Variants in EFCAB5 observed in about 807,000 individuals in gnomAD.
EFCAB5 encodes the protein EF-hand calcium-binding domain-containing protein 5.
A neutral mutation model predicts 167.9 loss-of-function variants in EFCAB5; 131 were observed. The ratio of observed to expected loss-of-function variants is 0.78; its 90% CI spans 0.68 to 0.90. The LOEUF is 0.90. EFCAB5 is among the 40% of genes least tolerant of loss of function. The pLI is 0.00. For missense variants in EFCAB5, 1,663 were observed against 1,745.2 expected (o/e 0.95, Z 0.84); for synonymous variants, 574 against 602.8 (o/e 0.95, Z 0.70).
chr17:29,987,099 C>T (rs945960055), intron 4 of EFCAB5, among the ~76,000 whole-genome samples: 2 of 152,152 alleles, frequency 1.3e-5, no homozygotes, highest in African/African-American at 2.4e-5. Context: ...AAGGAATACT[C>T]ATGGCAGTGG....
In EFCAB5 at chr17:30,107,814, CT is replaced by C. The variant is rs753578397; in HGVS notation, c.4322-11del. ...TGCAAAACTCTCCACTCTTACTTTT[CT>C]TTTTTTTTCCTGATGCAGATCATTC... On this transcript the variant is annotated intron_variant, in intron 22 of 22. Coordinates refer to ENST00000394835, the MANE Select transcript of EFCAB5 (RefSeq NM_198529.4). 65 of 1,017,752 alleles carry C rather than the reference CT, an allele frequency of 6.4e-5. No individual in the cohort carries two copies. Among genetic ancestry groups the C allele is most frequent in the Middle Eastern group, 2.5e-4 (1 of 3,936 alleles). 63.0% of individuals were successfully genotyped at this position (1,017,752 alleles called of 1,614,324 possible).
intron 14 of EFCAB5, among the ~76,000 whole-genome samples, chr17:30,077,110 T>G (rs1339867299): frequency 6.6e-6 from 1 of 152,176 alleles, no homozygotes; most frequent in Non-Finnish European, 1.5e-5. Flanking sequence ...GAGACCAGCC[T>G]GGCCAGTATA....
At chr17:29,973,607 A>G (rs1026230717) in intron 4 of EFCAB5, among the ~76,000 whole-genome samples, 4 of 146,692 alleles carry the variant, frequency 2.7e-5, no homozygotes, top group Non-Finnish European at 6.0e-5. Flanking sequence ...CCTCCTGAGT[A>G]GCTGGGATTA....
chr17:30,049,341 G>A (rs750207146), intron 8 of EFCAB5, among the ~76,000 whole-genome samples: 2 of 152,016 alleles, frequency 1.3e-5, no homozygotes, highest in East Asian at 1.9e-4. Flanking sequence ...TTAGCCAGGC[G>A]TGGTGGCATG....
At position 30,053,331 on chromosome 17, in the gene EFCAB5, A is replaced by G; in HGVS notation, c.1377A>G (p.Glu459=). The change falls in exon 10 of 23, where the codon GAA becomes GAG. Residue 459 remains glutamate, a synonymous_variant. Coordinates refer to ENST00000394835, the MANE Select transcript of EFCAB5 (RefSeq NM_198529.4). ...GDMDNQKHIY[E]GFDKVLLEMN... ...TGGATAATCAGAAACACATTTATGA[A>G]GGTTTTGACAAAGTGCTCTTGGAGA... 1.9e-6 allele frequency: 3 copies of G among 1,613,952 alleles called. No homozygotes were observed. Among genetic ancestry groups the G allele is most frequent in the Non-Finnish European group, 2.5e-6 (3 of 1,179,874 alleles).
intron 14 of EFCAB5, 172 bp downstream of exon 14, chr17:30,059,873 G>T (rs1188518191): frequency 4.6e-6 from 2 of 437,298 alleles, no homozygotes; most frequent in Non-Finnish European, 7.1e-6. Flanking sequence ...TAAAAATAGA[G>T]ATAGGAGTCT....
intron 14 of EFCAB5, chr17:30,068,941 A>G: frequency 6.5e-7 from 1 of 1,541,388 alleles, no homozygotes; most frequent in Non-Finnish European, 9.0e-7. Flanking sequence ...GATATTCATG[A>G]GGACCTGTTC....
intron 22 of EFCAB5, among the ~76,000 whole-genome samples, chr17:30,099,188 T>C (rs147945679): frequency 1.4e-3 from 212 of 152,342 alleles, no homozygotes; most frequent in Non-Finnish European, 2.5e-3. Flanking sequence ...ATATGGTAAC[T>C]CTATGTTTAA....
intron 3 of EFCAB5, among the ~76,000 whole-genome samples, chr17:29,949,294 T>C (rs1479283783): frequency 6.6e-6 from 1 of 152,198 alleles, no homozygotes; most frequent in Non-Finnish European, 1.5e-5. Flanking sequence ...TTCTTTTGTG[T>C]CCCTACTTAT....
At chr17:29,973,336 C>G (rs1354264125) in intron 4 of EFCAB5, among the ~76,000 whole-genome samples, 2 of 152,276 alleles carry the variant, frequency 1.3e-5, no homozygotes, top group East Asian at 3.9e-4. Context: ...GTAAGGCAAC[C>G]TCTCCTCCCG....
rs773761548 is a variant in EFCAB5 at position 30,078,389 on chromosome 17, A to G, written c.2912A>G (p.Glu971Gly). The change falls in exon 15 of 23, where the codon GAG (glutamate) becomes GGG (glycine). Residue 971 changes from glutamate to glycine, a missense_variant. Coordinates refer to ENST00000394835, the MANE Select transcript of EFCAB5 (RefSeq NM_198529.4). ...LMNALERSHI[E>G]SLRNSARRKW... ...AATGCTTTAGAGAGGAGCCACATTGAGAGTCTGAGGAATTCTGCCAGGCGG... is the reference window on the plus strand; with the variant it reads ...AATGCTTTAGAGAGGAGCCACATTGGGAGTCTGAGGAATTCTGCCAGGCGG... 1 of 1,614,020 alleles carries G rather than the reference A, an allele frequency of 6.2e-7. No individual in the cohort carries two copies. The highest frequency in any genetic ancestry group is 8.5e-7 in the Non-Finnish European group (1 of 1,179,890).
At chr17:29,952,018 A>C (rs540075318) in intron 3 of EFCAB5, among the ~76,000 whole-genome samples, 1 of 152,306 alleles carries the variant, frequency 6.6e-6, no homozygotes, top group Non-Finnish European at 1.5e-5. Context: ...ATTTATAAAC[A>C]GTGTAAATTT....
At chr17:30,073,785 G>T in intron 14 of EFCAB5, 1 of 578,198 alleles carries the variant, frequency 1.7e-6, no homozygotes. Flanking sequence ...AGAACAAAGA[G>T]CACTGTGACA....
intron 18 of EFCAB5, among the ~76,000 whole-genome samples, chr17:30,085,780 A>G (rs568296475): frequency 3.3e-5 from 5 of 152,292 alleles, no homozygotes; most frequent in Non-Finnish European, 5.9e-5. Context: ...TAGAAGTCCA[A>G]TCGTCAATGT....
At chr17:29,968,227 A>G in intron 3 of EFCAB5, 1 of 407,222 alleles carries the variant, frequency 2.5e-6, no homozygotes. Flanking sequence ...GCAGATGAAA[A>G]TCACTTGTTA....
At chr17:30,001,509 G>A (rs2068660576) in intron 7 of EFCAB5, among the ~76,000 whole-genome samples, 1 of 152,136 alleles carries the variant, frequency 6.6e-6, no homozygotes, top group African/African-American at 2.4e-5. Context: ...GCCTGATGTG[G>A]TGGCTTATGC....
intron 22 of EFCAB5, among the ~76,000 whole-genome samples, chr17:30,096,636 T>C (rs2071291004): frequency 6.8e-6 from 1 of 147,584 alleles, no homozygotes; most frequent in South Asian, 2.1e-4. Flanking sequence ...GTTAAAACTG[T>C]CTTTTATCCT....
At chr17:30,105,279 G>A (rs760053116) in intron 22 of EFCAB5, among the ~76,000 whole-genome samples, 3 of 152,012 alleles carry the variant, frequency 2.0e-5, no homozygotes, top group African/African-American at 4.8e-5. Flanking sequence ...CTGAGGTCAC[G>A]AGTTCGAGAC....
Position 29,933,074 on chromosome 17 carries a change from A to C in EFCAB5, c.-127+3745A>C, listed in dbSNP as rs2067215501. Among the ~76,000 whole-genome samples, 4 of 152,350 alleles carry C rather than the reference A, an allele frequency of 2.6e-5. No homozygotes were observed. The South Asian group carries it at 6.2e-4, about 24-fold the overall frequency. On this transcript the variant is annotated intron_variant, in intron 1 of 3. Transcript: ENST00000448319. ...ATCATATACTAGACACTGCTTTAAG[A>C]ACAAGACAAATGTTTATCTACCTCT... is the stretch of plus-strand genomic sequence containing the variant.
Sources: allele counts gnomAD v4.1 joint callset (sites outside exome capture counted in the v4.1 genomes callset), GRCh38; gene constraint gnomAD v4.1.1; transcripts MANE v1.5; gene names NCBI Gene and HGNC (gene_info 2026-07-23, HGNC 2026-07-21).